Variants in UTRN observed in about 807,000 individuals in gnomAD.
The protein encoded by UTRN is utrophin.
UTRN carries 283 observed loss-of-function variants against 463.9 expected under a neutral mutation model. The ratio of observed to expected loss-of-function variants is 0.61; its 90% CI spans 0.55 to 0.67. UTRN has a LOEUF of 0.67. UTRN is among the 30% of genes least tolerant of loss of function. UTRN has a pLI of 0.00. For missense variants in UTRN, 3,922 were observed against 4,084.3 expected, an observed-to-expected ratio of 0.96 and a Z score of 1.08; for synonymous variants, 1,442 against 1,431.5, an observed-to-expected ratio of 1.01 and a Z score of -0.17.
chr6:144,603,522 C>T (rs1804492740), intron 51 of UTRN, among the ~76,000 whole-genome samples: 2 of 152,128 alleles, frequency 1.3e-5, no homozygotes, highest in South Asian at 4.1e-4. Flanking sequence ...TTGTCCATGA[C>T]AAATTGTTTA....
Position 144,655,279 on chromosome 6 carries a change from T to G in UTRN, c.7480-23127T>G, listed in dbSNP as rs150503178. ...TGACACACTTTGCTGCAGGCTGATG[T>G]TAACTTGAAAGTCGAAATGTATGGA... On this transcript the variant is annotated intron_variant, in intron 51 of 74. Coordinates refer to ENST00000367545, the MANE Select transcript of UTRN (RefSeq NM_007124.3). Among the ~76,000 whole-genome samples the G allele has an allele frequency of 2.2e-3, 340 of 152,358 alleles. 2 individuals are homozygous for G. The highest frequency in any genetic ancestry group is 8.1e-3 in the African/African-American group (336 of 41,590).
At chr6:144,796,927 G>A (rs1777271496) in intron 63 of UTRN, among the ~76,000 whole-genome samples, 2 of 152,146 alleles carry the variant, frequency 1.3e-5, no homozygotes, top group South Asian at 4.1e-4. Flanking sequence ...AGCAACAGGA[G>A]GATAAAATTG....
At position 144,761,057 on chromosome 6, in the gene UTRN, G is replaced by A. The variant is rs1393851607; in HGVS notation, c.8495+3068G>A. 3.9e-5 allele frequency among the ~76,000 whole-genome samples: 6 copies of A among 152,084 alleles called. No homozygotes were observed. In the South Asian group the frequency reaches 1.0e-3, roughly 26 times the overall value. ...GCACTGCGGTGGCTCCATGGCTCAT[G>A]TGTTTGTAGAAAATGAAAGAATATA... On this transcript the variant is annotated intron_variant, in intron 58 of 74. Transcript: ENST00000367545.
chr6:144,423,778 C>T, intron 5 of UTRN, 152 bp downstream of exon 5: 2 of 999,786 alleles, frequency 2.0e-6, no homozygotes, highest in Middle Eastern at 2.1e-4. Context: ...AGTGAAGAAA[C>T]AGTCATGTGC....
intron 31 of UTRN, 65 bp downstream of exon 31, chr6:144,490,264 A>G: frequency 6.4e-7 from 1 of 1,555,920 alleles, no homozygotes; most frequent in Non-Finnish European, 8.6e-7. Flanking sequence ...AAAAAAGAGA[A>G]AGAATTGATT....
intron 51 of UTRN, among the ~76,000 whole-genome samples, chr6:144,637,130 G>C (rs557288523): frequency 2.0e-5 from 3 of 152,120 alleles, no homozygotes; most frequent in African/African-American, 7.2e-5. Context: ...CACCACACCC[G>C]GCTAGTTTTT....
At chr6:144,583,623 G>A (rs1802188843) in intron 51 of UTRN, 7 of 645,032 alleles carry the variant, frequency 1.1e-5, no homozygotes, top group Non-Finnish European at 2.0e-5. Flanking sequence ...TTGAAAATAA[G>A]GATCTCGGGT....
intron 51 of UTRN, among the ~76,000 whole-genome samples, chr6:144,622,064 A>G (rs1036355122): frequency 6.6e-6 from 1 of 151,702 alleles, no homozygotes; most frequent in African/African-American, 2.4e-5. Context: ...TCTTCATGAA[A>G]TTTTAATAAA....
chr6:144,562,188 T>C (rs982071601), intron 50 of UTRN, among the ~76,000 whole-genome samples: 1 of 152,130 alleles, frequency 6.6e-6, no homozygotes, highest in Non-Finnish European at 1.5e-5. Flanking sequence ...GACACAATTA[T>C]TTATTTAAAA....
chr6:144,681,900 G>A (rs1056334031), intron 52 of UTRN, among the ~76,000 whole-genome samples: 8 of 151,882 alleles, frequency 5.3e-5, no homozygotes, highest in Admixed American at 2.0e-4. Flanking sequence ...AGATATTTTG[G>A]TACAGGCATG....
intron 46 of UTRN, among the ~76,000 whole-genome samples, chr6:144,546,942 CT>C (rs1359155328): frequency 6.6e-6 from 1 of 152,200 alleles, no homozygotes; most frequent in Non-Finnish European, 1.5e-5. Flanking sequence ...CAGCTGTATT[CT>C]TATTTCTGCT....
intron 2 of UTRN, among the ~76,000 whole-genome samples, chr6:144,302,695 A>T (rs1228537249): frequency 6.6e-6 from 1 of 152,200 alleles, no homozygotes; most frequent in Non-Finnish European, 1.5e-5. Context: ...ATCAATAAAC[A>T]TCCCCACACA....
intron 58 of UTRN, among the ~76,000 whole-genome samples, chr6:144,769,461 T>C (rs1586479597): frequency 6.6e-6 from 1 of 151,542 alleles, no homozygotes; most frequent in South Asian, 2.1e-4. Flanking sequence ...TCCCTCCATC[T>C]GTTTGCCAAA....
intron 2 of UTRN, among the ~76,000 whole-genome samples, chr6:144,385,606 A>G (rs1415886932): frequency 6.6e-6 from 1 of 152,182 alleles, no homozygotes; most frequent in Admixed American, 6.5e-5. Context: ...TGCAGTACCC[A>G]GTGATAGTAT....
At chr6:144,780,357 T>A (rs1017650053) in intron 60 of UTRN, among the ~76,000 whole-genome samples, 1 of 152,106 alleles carries the variant, frequency 6.6e-6, no homozygotes, top group African/African-American at 2.4e-5. Context: ...TGCCTCTTAT[T>A]TTTTTAATGC....
At chr6:144,470,712 G>A (rs368720605) in intron 23 of UTRN, among the ~76,000 whole-genome samples, 2,426 of 151,958 alleles carry the variant, frequency 0.016, 66 homozygotes, top group African/African-American at 0.054. Flanking sequence ...CCGAGATCAC[G>A]CCACTGCACT....
chr6:144,729,160 A>G (rs1788250485), intron 53 of UTRN, among the ~76,000 whole-genome samples: 1 of 152,132 alleles, frequency 6.6e-6, no homozygotes, highest in African/African-American at 2.4e-5. Flanking sequence ...AGATTTCCTA[A>G]AGGCTATCAT....
intron 2 of UTRN, chr6:144,398,358 T>A: frequency 2.8e-6 from 1 of 360,216 alleles, no homozygotes. Flanking sequence ...CCTTTTCACT[T>A]ATTCTCACCA....
At chr6:144,551,164 C>T in intron 48 of UTRN, 82 bp downstream of exon 48, 1 of 802,464 alleles carries the variant, frequency 1.2e-6, no homozygotes, top group Non-Finnish European at 1.9e-6. Context: ...CACACACACA[C>T]ACACAAACAC....
Sources: allele counts gnomAD v4.1 joint callset (sites outside exome capture counted in the v4.1 genomes callset), GRCh38; gene constraint gnomAD v4.1.1; transcripts MANE v1.5; gene names NCBI Gene and HGNC (gene_info 2026-07-23, HGNC 2026-07-21).